The following MN1 variants were observed in gnomAD, a reference collection of about 807,000 sequenced individuals.
MN1 encodes the protein transcriptional activator MN1.
Under a neutral mutation model 86.9 loss-of-function variants are expected in MN1, and 19 were observed. The ratio of observed to expected loss-of-function variants is 0.22; its 90% CI spans 0.15 to 0.32. The LOEUF (loss-of-function observed/expected upper bound fraction) is 0.32. Among genes scored for constraint, MN1 ranks in the 10% least tolerant of loss-of-function variants. MN1 has a pLI of 1.00. For missense variants in MN1, 1,841 were observed against 1,862.0 expected (o/e 0.99, Z 0.21); for synonymous variants, 928 against 849.6 (o/e 1.09, Z -1.60).
At chr22:27,769,180 A>G (rs1334088328) in intron 1 of MN1, among the ~76,000 whole-genome samples, 11 of 152,166 alleles carry the variant, frequency 7.2e-5, no homozygotes, top group Admixed American at 7.2e-4. Context: ...CATGGCAGAC[A>G]TTGCTAATCA....
intron 1 of MN1, among the ~76,000 whole-genome samples, chr22:27,790,790 G>A (rs991180291): frequency 1.3e-5 from 2 of 152,060 alleles, no homozygotes; most frequent in Non-Finnish European, 2.9e-5. Context: ...CTCCACGTAC[G>A]CTCACGCACA....
intron 1 of MN1, among the ~76,000 whole-genome samples, chr22:27,775,062 G>A (rs1197752547): frequency 6.6e-6 from 1 of 152,230 alleles, no homozygotes; most frequent in Non-Finnish European, 1.5e-5. Context: ...AGACCCAGTG[G>A]GCAGAAAGAA....
In MN1 at chr22:27,750,424, T is replaced by C. The variant is rs45517941; in HGVS notation, c.*491A>G. 2.0e-3 allele frequency: 469 copies of C among 230,136 alleles called. 2 individuals carry two copies. The highest frequency in any genetic ancestry group is 9.7e-3 in the African/African-American group (437 of 45,220). The allele number at this position is 230,136 out of a possible 1,614,324, so 14.3% of individuals were successfully genotyped here. A position where few individuals can be genotyped will look rare whatever the true frequency, so the allele number is the denominator to read the frequency against. On this transcript the variant is annotated 3_prime_UTR_variant, in exon 2 of 2. Coordinates refer to ENST00000302326, the MANE Select transcript of MN1 (RefSeq NM_002430.3). ...GAACTACTATTCTCCAGGATTTCCA[T>C]TTTAATAAGCAGTGAACAAAGCAAA...
intron 1 of MN1, among the ~76,000 whole-genome samples, chr22:27,779,718 C>G (rs1054521607): frequency 3.3e-5 from 5 of 152,112 alleles, no homozygotes; most frequent in African/African-American, 1.2e-4. Flanking sequence ...GGGAGTTGGG[C>G]AGGAATGCAA....
At position 27,748,603 on chromosome 22, in the gene MN1, T is replaced by G. The variant is rs565286951; in HGVS notation, c.*2312A>C. ...CTGATTACCAGTGTTCGGAGTCTAG[T>G]GTGTAGGGTGTGTTTTTCATTTACT... On this transcript the variant is annotated 3_prime_UTR_variant, in exon 2 of 2. Coordinates refer to ENST00000302326, the MANE Select transcript of MN1 (RefSeq NM_002430.3). 1 of 208,972 alleles carries G rather than the reference T, an allele frequency of 4.8e-6. No individual in the cohort carries two copies. Among genetic ancestry groups the G allele is most frequent in the East Asian group, 7.3e-5 (1 of 13,658 alleles). 12.9% of individuals were successfully genotyped at this position (208,972 alleles called of 1,614,324 possible). A position where few individuals can be genotyped will look rare whatever the true frequency, so the allele number is the denominator to read the frequency against.
intron 1 of MN1, among the ~76,000 whole-genome samples, chr22:27,771,126 C>G (rs9608647): frequency 6.6e-6 from 1 of 151,654 alleles, no homozygotes; most frequent in Non-Finnish European, 1.5e-5. Context: ...GTGGCCAAAT[C>G]TGGCCCACCA....
chr22:27,756,305 C>A (rs1351189575), intron 1 of MN1, among the ~76,000 whole-genome samples: 3 of 152,200 alleles, frequency 2.0e-5, no homozygotes, highest in African/African-American at 7.2e-5. Context: ...CAGGCCTCGT[C>A]ATCACCCTGC....
intron 1 of MN1, among the ~76,000 whole-genome samples, chr22:27,760,127 A>G (rs897858799): frequency 6.6e-6 from 1 of 152,178 alleles, no homozygotes; most frequent in African/African-American, 2.4e-5. Flanking sequence ...AGGTGGGTGG[A>G]TCACTTGAGG....
chr22:27,786,239 G>C (rs993823320), intron 1 of MN1, among the ~76,000 whole-genome samples: 1 of 152,158 alleles, frequency 6.6e-6, no homozygotes, highest in African/African-American at 2.4e-5. Context: ...GAAGAGGGGG[G>C]CCCCCCAAAG....
chr22:27,800,730 G>T lies in MN1; in HGVS notation c.-187C>A. ...GGGGCGGGGTATTAGCTCCTCTCCTGAAGCTCCGATTCTGCCCGGGGAGGG... is the reference window on the plus strand; with the variant it reads ...GGGGCGGGGTATTAGCTCCTCTCCTTAAGCTCCGATTCTGCCCGGGGAGGG... On this transcript the variant is annotated 5_prime_UTR_variant, in exon 1 of 2. Coordinates refer to ENST00000302326, the MANE Select transcript of MN1 (RefSeq NM_002430.3). The T allele has an allele frequency of 1.5e-6, 1 of 672,572 alleles. No homozygotes were observed. The highest frequency in any genetic ancestry group is 1.9e-5 in the South Asian group (1 of 52,488). 41.7% of individuals were successfully genotyped at this position (672,572 alleles called of 1,614,324 possible).
chr22:27,799,560 C>T lies in MN1; in HGVS notation c.984G>A (p.Glu328=). The change falls in exon 1 of 2, where the codon GAG becomes GAA. Residue 328 remains glutamate (E), a synonymous_variant. Coordinates refer to ENST00000302326, the MANE Select transcript of MN1 (RefSeq NM_002430.3). ...ACGGGTGCCTGGAGCCCACTGAGGG[C>T]TCCAGACCCACAGGCATCTTTCTGG... ...SGARKMPVGL[E]PSVGSRHPLM... is the part of the protein sequence containing the mutation. 3.4e-6 allele frequency: 5 copies of T among 1,485,862 alleles called. No individual in the cohort carries two copies. Among genetic ancestry groups the T allele is most frequent in the Non-Finnish European group, 4.5e-6 (5 of 1,115,616 alleles). 92.0% of individuals were successfully genotyped at this position (1,485,862 alleles called of 1,614,324 possible).
rs1433969214 is a variant in MN1 at position 27,800,992 on chromosome 22, C to G, written c.-449G>C. 1 of 297,574 alleles carries G rather than the reference C, an allele frequency of 3.4e-6. No homozygotes were observed. The highest frequency in any genetic ancestry group is 5.6e-5 in the East Asian group (1 of 18,012). 18.4% of individuals were successfully genotyped at this position (297,574 alleles called of 1,614,324 possible). On this transcript the variant is annotated 5_prime_UTR_variant, in exon 1 of 2. Transcript: ENST00000302326. Reference sequence around the variant, plus strand: ...GCCCTCAGGACGCCGCCCGCAGCCTCCCGGAGTCCGTGGCAGAGCTGCTAA... The same window carrying G: ...GCCCTCAGGACGCCGCCCGCAGCCTGCCGGAGTCCGTGGCAGAGCTGCTAA...
chr22:27,780,241 C>T (rs1933033985), intron 1 of MN1, among the ~76,000 whole-genome samples: 1 of 152,194 alleles, frequency 6.6e-6, no homozygotes, highest in Admixed American at 6.5e-5. Context: ...GGACTCCAAA[C>T]TGCTAATCTG....
intron 1 of MN1, among the ~76,000 whole-genome samples, chr22:27,789,595 G>A (rs1933184455): frequency 6.6e-6 from 1 of 152,182 alleles, no homozygotes; most frequent in Non-Finnish European, 1.5e-5. Flanking sequence ...TCAACAATGT[G>A]AGTTTATATG....
chr22:27,761,785 T>G (rs1272660178), intron 1 of MN1, among the ~76,000 whole-genome samples: 1 of 152,232 alleles, frequency 6.6e-6, no homozygotes, highest in Non-Finnish European at 1.5e-5. Context: ...CAGTGCAGTC[T>G]GGTGAGAGGC....
At position 27,800,708 on chromosome 22, in the gene MN1, G is replaced by C; in HGVS notation, c.-165C>G. On this transcript the variant is annotated 5_prime_UTR_variant, in exon 1 of 2. Coordinates refer to ENST00000302326, the MANE Select transcript of MN1 (RefSeq NM_002430.3). ...CCCCGCCTGATGTGAGGGACGGGGG[G>C]CGGGGTATTAGCTCCTCTCCTGAAG... is the stretch of plus-strand genomic sequence containing the variant. 1.3e-6 allele frequency: 1 copy of C among 787,374 alleles called. No individual in the cohort carries two copies. Among genetic ancestry groups the C allele is most frequent in the African/African-American group, 1.7e-5 (1 of 57,840 alleles). The allele number at this position is 787,374 out of a possible 1,614,324, so 48.8% of individuals were successfully genotyped here.
Position 27,751,022 on chromosome 22 carries a change from T to C in MN1, c.3856A>G (p.Thr1286Ala). The change falls in exon 2 of 2, where the codon ACA becomes GCA. Residue 1286 changes from threonine (T) to alanine (A), a missense_variant. Coordinates refer to ENST00000302326, the MANE Select transcript of MN1 (RefSeq NM_002430.3). ...GCCTTGGCGTCACCCACGTCGTCTG[T>C]GCAGTGGACAGACAGGCACTGCAAG... ...SHLQCLSVHC[T>A]DDVGDAKARA... 1 of 1,611,862 alleles carries C rather than the reference T, an allele frequency of 6.2e-7. No individual in the cohort carries two copies. The highest frequency in any genetic ancestry group is 1.7e-5 in the Admixed American group (1 of 59,662).
chr22:27,771,301 T>C (rs1362767884), intron 1 of MN1, among the ~76,000 whole-genome samples: 4 of 139,642 alleles, frequency 2.9e-5, no homozygotes, highest in Non-Finnish European at 6.1e-5. Flanking sequence ...TGATCATAGC[T>C]CATGCAACCT....
Position 27,748,472 on chromosome 22 carries a change from C to T in MN1, c.*2443G>A, listed in dbSNP as rs576497527. ...TCAGAAATGAATTTCTTTTAAGAGT[C>T]AAAAAAGATTACAGGATTGCCTAAC... On this transcript the variant is annotated 3_prime_UTR_variant, in exon 2 of 2. Transcript: ENST00000302326. 3 of 195,688 alleles carry T rather than the reference C, an allele frequency of 1.5e-5. No individual in the cohort carries two copies. In the South Asian group the frequency reaches 5.7e-4, roughly 37 times the overall value. 12.1% of individuals were successfully genotyped at this position (195,688 alleles called of 1,614,324 possible).
Sources: allele counts gnomAD v4.1 joint callset (sites outside exome capture counted in the v4.1 genomes callset), GRCh38; gene constraint gnomAD v4.1.1; transcripts MANE v1.5; gene names NCBI Gene and HGNC (gene_info 2026-07-23, HGNC 2026-07-21).